ECPAS: variants seen among roughly 807,000 people sequenced by gnomAD.
The protein encoded by ECPAS is Ecm29 proteasome adaptor and scaffold.
A neutral mutation model predicts 255.1 loss-of-function variants in ECPAS; 70 were observed. The ratio of observed to expected loss-of-function variants is 0.27; its 90% CI spans 0.23 to 0.33. The LOEUF is 0.33. Ranked by LOEUF, ECPAS falls within the 10% of genes least tolerant of loss-of-function variation. The pLI, the probability that ECPAS is intolerant of heterozygous loss-of-function variation, is 1.00. For missense variants in ECPAS, 1,817 were observed against 2,206.4 expected, an observed-to-expected ratio of 0.82 and a Z score of 3.54; for synonymous variants, 784 against 775.0, an observed-to-expected ratio of 1.01 and a Z score of -0.19.
At chr9:111,447,292 T>C (rs1343893800) in intron 3 of ECPAS, among the ~76,000 whole-genome samples, 1 of 152,074 alleles carries the variant, frequency 6.6e-6, no homozygotes, top group Non-Finnish European at 1.5e-5. Flanking sequence ...GCATGGTTTT[T>C]TTCTTTCTTT....
Position 111,417,020 on chromosome 9 carries a change from C to A in ECPAS, c.1684-668G>T, listed in dbSNP as rs555063615. Among the ~76,000 whole-genome samples, 17 of 152,154 alleles carry A rather than the reference C, an allele frequency of 1.1e-4. No individual in the cohort carries two copies. The East Asian group carries it at 3.3e-3, about 29-fold the overall frequency. On this transcript the variant is annotated intron_variant, in intron 17 of 49. Coordinates refer to ENST00000684092, the MANE Select transcript of ECPAS (RefSeq NM_001364929.1). ...TAAACTTACACTACCCTAAAGCGTG[C>A]CCTTAAAAATAAAAAGGAGAACCAG...
intron 27 of ECPAS, among the ~76,000 whole-genome samples, chr9:111,393,122 C>T (rs1344809786): frequency 6.6e-6 from 1 of 152,168 alleles, no homozygotes; most frequent in Non-Finnish European, 1.5e-5. Context: ...CAAATCTAGA[C>T]AATACTGATG....
intron 2 of ECPAS, among the ~76,000 whole-genome samples, chr9:111,460,092 A>G (rs1057350830): frequency 1.1e-4 from 16 of 152,246 alleles, no homozygotes; most frequent in Admixed American, 2.6e-4. Flanking sequence ...TATGAGTCAA[A>G]TCCAGCGATA....
chr9:111,385,299 T>G, intron 33 of ECPAS, 38 bp downstream of exon 33: 1 of 982,444 alleles, frequency 1.0e-6, no homozygotes, highest in Non-Finnish European at 1.5e-6. Flanking sequence ...CCAATTTAAC[T>G]TTTTGTATAT....
At position 111,430,044 on chromosome 9, in the gene ECPAS, G is replaced by A. The variant is rs146275837; in HGVS notation, c.930+503C>T. On this transcript the variant is annotated intron_variant, in intron 9 of 49. Coordinates refer to ENST00000684092, the MANE Select transcript of ECPAS (RefSeq NM_001364929.1). ...AACTATAGCCCACAGTCCGAATCTG[G>A]CCCACCATTTATTCTGATAAGGTCT... Among the ~76,000 whole-genome samples the A allele has an allele frequency of 1.2e-4, 19 of 152,220 alleles. No homozygotes were observed. The East Asian group carries it at 3.5e-3, about 28-fold the overall frequency.
chr9:111,393,589 GA>G, intron 27 of ECPAS, 90 bp downstream of exon 27: 1 of 847,654 alleles, frequency 1.2e-6, no homozygotes, highest in South Asian at 1.6e-5. Context: ...CACAGCTCAA[GA>G]AAGTTTTCTT....
At chr9:111,431,683 T>C (rs1295238282) in intron 8 of ECPAS, among the ~76,000 whole-genome samples, 1 of 151,634 alleles carries the variant, frequency 6.6e-6, no homozygotes, top group Non-Finnish European at 1.5e-5. Context: ...TTTACCATAC[T>C]ATATTCTCTC....
chr9:111,388,168 G>A (rs547445820), intron 31 of ECPAS, among the ~76,000 whole-genome samples: 10 of 151,732 alleles, frequency 6.6e-5, no homozygotes, highest in African/African-American at 1.7e-4. Flanking sequence ...TTACTTACAT[G>A]TAAGAAAACC....
chr9:111,447,201 T>C (rs1206712427), intron 3 of ECPAS, among the ~76,000 whole-genome samples: 2 of 152,168 alleles, frequency 1.3e-5, no homozygotes, highest in African/African-American at 4.8e-5. Context: ...CATAGCCAAC[T>C]GCAGCCTCGA....
In ECPAS at chr9:111,410,913, C is replaced by T. The variant is rs575926427; in HGVS notation, c.2377+67G>A. 286 of 1,439,204 alleles carry T rather than the reference C, an allele frequency of 2.0e-4. 3 individuals carry two copies. Among genetic ancestry groups the T allele is most frequent in the South Asian group, 1.9e-3 (146 of 76,146 alleles). The allele number at this position is 1,439,204 out of a possible 1,614,324, so 89.2% of individuals were successfully genotyped here. On this transcript the variant is annotated intron_variant, in intron 22 of 49. Transcript: ENST00000684092. Reference sequence around the variant, plus strand: ...ACAATGCCATAAAAAGAAACTGAAACGCCATATTAAAATTTAACATAATTC... The same window carrying T: ...ACAATGCCATAAAAAGAAACTGAAATGCCATATTAAAATTTAACATAATTC...
chr9:111,408,521 A>G, intron 24 of ECPAS, 50 bp downstream of exon 24: 2 of 1,126,892 alleles, frequency 1.8e-6, no homozygotes, highest in Non-Finnish European at 2.5e-6. Flanking sequence ...AAAAAAAAAG[A>G]CCAATGCCTT....
chr9:111,456,497 T>C (rs542636540), intron 2 of ECPAS, among the ~76,000 whole-genome samples: 12 of 152,300 alleles, frequency 7.9e-5, no homozygotes, highest in African/African-American at 2.9e-4. Context: ...CTACACCTTA[T>C]ACAGGAAGTT....
At chr9:111,448,364 C>T (rs552439677) in intron 3 of ECPAS, among the ~76,000 whole-genome samples, 10 of 151,720 alleles carry the variant, frequency 6.6e-5, no homozygotes, top group African/African-American at 9.7e-5. Flanking sequence ...GTTAACAATA[C>T]TAATTTTGGA....
In ECPAS at chr9:111,373,320, C is replaced by A; in HGVS notation, c.4264G>T (p.Val1422Phe). The stretch of plus-strand genomic sequence containing the variant: ...AAGCAAGAAATTTAACTCACCCGAA[C>A]TAAATGGCCCATAGCAAATGCACAA... ...KSCAFAMGHL[V>F]RTSRDSSTEK... The change falls in exon 40 of 50, where the codon GTT (valine) becomes TTT (phenylalanine). Residue 1422 changes from valine to phenylalanine, a missense_variant. Transcript: ENST00000684092. 1 of 1,613,666 alleles carries A rather than the reference C, an allele frequency of 6.2e-7. No individual in the cohort carries two copies.
At chr9:111,456,434 C>A (rs1035781640) in intron 2 of ECPAS, among the ~76,000 whole-genome samples, 20 of 152,156 alleles carry the variant, frequency 1.3e-4, no homozygotes, top group African/African-American at 4.8e-4. Context: ...CTATACCATA[C>A]AACTGTCTCC....
In ECPAS at chr9:111,389,995, T is replaced by C. The variant is rs1258430298; in HGVS notation, c.3268A>G (p.Asn1090Asp). The C allele has an allele frequency of 6.3e-7, 1 of 1,588,834 alleles. No individual in the cohort carries two copies. Reference protein sequence around the residue: ...MNLANHHAMWNSRKGAAFGFN... With the variant: ...MNLANHHAMWDSRKGAAFGFN... Reference sequence around the variant, plus strand: ...TGATAGCAACTTACCTTCCTAGAGTTCCACATTGCATGATGGTTGGCTAAA... The same window carrying C: ...TGATAGCAACTTACCTTCCTAGAGTCCCACATTGCATGATGGTTGGCTAAA... The change falls in exon 30 of 50, where the codon AAC becomes GAC. Residue 1090 changes from asparagine (N) to aspartate (D), a missense_variant. Around this residue, in one of 4 missense-constraint regions of ECPAS, gnomAD observed 960 missense variants for 1,179.0 expected, o/e 0.81. Coordinates refer to ENST00000684092, the MANE Select transcript of ECPAS (RefSeq NM_001364929.1).
At chr9:111,394,033 A>C in intron 26 of ECPAS, 127 bp downstream of exon 26, 5 of 855,664 alleles carry the variant, frequency 5.8e-6, no homozygotes, top group Non-Finnish European at 7.0e-6. Context: ...ACCATCCTTC[A>C]TTCCTTCATG....
At position 111,363,622 on chromosome 9, in the gene ECPAS, T is replaced by C. The variant is rs1173872879; in HGVS notation, c.5346A>G (p.Leu1782=). 9.5e-6 allele frequency: 15 copies of C among 1,577,722 alleles called. No homozygotes were observed. Among genetic ancestry groups the C allele is most frequent in the Non-Finnish European group, 1.0e-5 (12 of 1,158,784 alleles). The change falls in exon 49 of 50, where the codon TTA becomes TTG. Residue 1782 remains leucine (L), a synonymous_variant. Transcript: ENST00000684092. ...KTYSSVRTEA[L]SVIELLLKKL... Reference sequence around the variant, plus strand: ...TTTTAAGCAGCAATTCTATCACAGATAAAGCTTCTGTTCTCACAGATGAGT... The same window carrying C: ...TTTTAAGCAGCAATTCTATCACAGACAAAGCTTCTGTTCTCACAGATGAGT...
intron 2 of ECPAS, among the ~76,000 whole-genome samples, chr9:111,470,042 C>T (rs369072703): frequency 3.9e-5 from 6 of 152,178 alleles, no homozygotes; most frequent in African/African-American, 9.7e-5. Flanking sequence ...CAGGAGCTGC[C>T]TCTCTCCAGC....
Sources: gnomAD v4.1 joint callset for allele counts (sites outside exome capture counted in the v4.1 genomes callset) on GRCh38, gnomAD v4.1.1 for gene constraint, gnomAD v4.1.1 regional missense constraint, MANE v1.5 for transcripts, NCBI Gene and HGNC (gene_info 2026-07-23, HGNC 2026-07-21) for gene names.